The following CCDC149 variants were observed in gnomAD, a reference collection of about 807,000 sequenced individuals.
CCDC149 encodes the protein coiled-coil domain containing 149.
CCDC149 carries 45 observed loss-of-function variants against 59.9 expected under a neutral mutation model. The observed-to-expected ratio is 0.75, with a 90% CI of 0.59 to 0.96. CCDC149 has a LOEUF of 0.96. CCDC149 is among the 40% of genes least tolerant of loss of function. The probability of loss-of-function intolerance (pLI) is 0.00; values close to 1 mark genes in which losing one functional copy is unlikely to be tolerated. For synonymous variants in CCDC149, 245 were observed against 260.6 expected (o/e 0.94, Z 0.58); for missense variants, 584 against 664.7 (o/e 0.88, Z 1.33).
chr4:24,910,964 T>TC (rs1258064030), intron 1 of CCDC149, among the ~76,000 whole-genome samples: 1 of 152,060 alleles, frequency 6.6e-6, no homozygotes, highest in African/African-American at 2.4e-5. Context: ...CATTTTCACC[T>TC]CCCCCATGGC....
intron 1 of CCDC149, among the ~76,000 whole-genome samples, chr4:24,946,050 G>A (rs1373994019): frequency 6.6e-6 from 1 of 152,192 alleles, no homozygotes; most frequent in Non-Finnish European, 1.5e-5. Flanking sequence ...AGAAGAATTT[G>A]GGTGATAAGT....
rs1715274540 is a variant in CCDC149 at position 24,819,967 on chromosome 4, C to A, written c.1084G>T (p.Asp362Tyr). 4 of 1,547,622 alleles carry A rather than the reference C, an allele frequency of 2.6e-6. No homozygotes were observed. In the African/African-American group the frequency reaches 5.5e-5, roughly 21 times the overall value. The change falls in exon 12 of 13, where the codon GAC becomes TAC. Residue 362 changes from aspartate (D) to tyrosine (Y), a missense_variant. Physicochemically the swap from Asp to Tyr is radical, Grantham distance 160. Transcript: ENST00000635206. ...GTGGGGTCGCTGAACAGTATGGTGT[C>A]CTTGCCCCCTGTTGCAGAAAAGAGG...
intron 1 of CCDC149, among the ~76,000 whole-genome samples, chr4:24,907,208 CATT>C (rs1721588175): frequency 6.6e-6 from 1 of 152,194 alleles, no homozygotes; most frequent in African/African-American, 2.4e-5. Flanking sequence ...CACTCATAAG[CATT>C]ATTATTTCAT....
At chr4:24,940,539 A>C (rs1156342106) in intron 1 of CCDC149, among the ~76,000 whole-genome samples, 3 of 152,216 alleles carry the variant, frequency 2.0e-5, no homozygotes, top group Non-Finnish European at 4.4e-5. Context: ...AAATTCACAC[A>C]TAACAATATT....
chr4:24,855,294 G>A lies in CCDC149; in HGVS notation c.265-2115C>T, dbSNP rs189460829. Among the ~76,000 whole-genome samples the A allele has an allele frequency of 1.5e-4, 23 of 152,284 alleles. No individual in the cohort carries two copies. The East Asian group carries it at 2.9e-3, about 19-fold the overall frequency. ...AATCATTCATCCCTGGCTAGCTGCC[G>A]TGGCTCACACCTGTAATCCCAGCCC... On this transcript the variant is annotated intron_variant, in intron 3 of 12. Coordinates refer to ENST00000635206, the MANE Select transcript of CCDC149 (RefSeq NM_001330643.2).
At chr4:24,950,815 G>T (rs1212945948) in intron 1 of CCDC149, among the ~76,000 whole-genome samples, 1 of 152,146 alleles carries the variant, frequency 6.6e-6, no homozygotes, top group Non-Finnish European at 1.5e-5. Flanking sequence ...CCCAATTCAG[G>T]GGTCTGGGGC....
Position 24,976,586 on chromosome 4 carries a change from G to A in CCDC149, c.-65+3483C>T, listed in dbSNP as rs542808509. ...AAATTAGCTGGGCATGGTGGTGCAT[G>A]CCTGTAGTCCCAGCTACTCAGGAGG... is the stretch of plus-strand genomic sequence containing the variant. On this transcript the variant is annotated intron_variant, in intron 1 of 12. Transcript: ENST00000389609. Among the ~76,000 whole-genome samples, 5 of 152,236 alleles carry A rather than the reference G, an allele frequency of 3.3e-5. No homozygotes were observed. In the East Asian group the frequency reaches 9.7e-4, roughly 29 times the overall value.
At chr4:24,976,137 G>A (rs550855343) in intron 1 of CCDC149, among the ~76,000 whole-genome samples, 1 of 152,114 alleles carries the variant, frequency 6.6e-6, no homozygotes, top group African/African-American at 2.4e-5. Flanking sequence ...TCAGTTATTT[G>A]AGCCAATAAT....
At chr4:24,941,452 C>A (rs1167658568) in intron 1 of CCDC149, among the ~76,000 whole-genome samples, 2 of 152,088 alleles carry the variant, frequency 1.3e-5, no homozygotes, top group African/African-American at 4.8e-5. Context: ...CAGGAAAGAT[C>A]TAAAATTGAC....
intron 4 of CCDC149, among the ~76,000 whole-genome samples, chr4:24,851,293 C>T (rs1717637867): frequency 6.6e-6 from 1 of 152,194 alleles, no homozygotes; most frequent in Admixed American, 6.5e-5. Context: ...GATGGGGTCT[C>T]ATTCTGTCAT....
intron 1 of CCDC149, among the ~76,000 whole-genome samples, chr4:24,958,296 G>A (rs1723527557): frequency 6.6e-6 from 1 of 152,200 alleles, no homozygotes; most frequent in South Asian, 2.1e-4. Context: ...TTTGGAAACG[G>A]CAGTGCTTTA....
Position 24,871,048 on chromosome 4 carries a change from A to G in CCDC149, c.264+2633T>C, listed in dbSNP as rs1266234363. 2.0e-5 allele frequency among the ~76,000 whole-genome samples: 3 copies of G among 152,004 alleles called. No homozygotes were observed. In the East Asian group the frequency reaches 5.8e-4, roughly 29 times the overall value. ...GGACAGAGTGAGACTCCCTCAAAAA[A>G]AAAAAAAAAAAAGATAAATTTCTAC... On this transcript the variant is annotated intron_variant, in intron 3 of 12. Transcript: ENST00000635206.
At chr4:24,893,305 C>A (rs1282138641) in intron 1 of CCDC149, among the ~76,000 whole-genome samples, 1 of 152,136 alleles carries the variant, frequency 6.6e-6, no homozygotes, top group Non-Finnish European at 1.5e-5. Flanking sequence ...AAAATGCCTA[C>A]CTCCAAATGT....
At chr4:24,894,686 A>G (rs1314068134) in intron 1 of CCDC149, among the ~76,000 whole-genome samples, 1 of 151,800 alleles carries the variant, frequency 6.6e-6, no homozygotes, top group African/African-American at 2.4e-5. Context: ...GAGCAAAAGT[A>G]TGTTCGAAAG....
At position 24,835,007 on chromosome 4, in the gene CCDC149, G is replaced by C. The variant is rs200140047; in HGVS notation, c.761C>G (p.Ser254Trp). ...GCTGCTGGATTTACCCTGGCCCTTC[G>C]AGTTTTTCCGTCTCTCCAGAGCATT... Residue 254 changes from serine (S) to tryptophan (W), a missense_variant, in exon 8 of 13, where the codon TCG (serine) becomes TGG (tryptophan). Ser to Trp is a radical substitution (Grantham distance 177). Coordinates refer to ENST00000635206, the MANE Select transcript of CCDC149 (RefSeq NM_001330643.2). 1.9e-6 allele frequency: 3 copies of C among 1,613,826 alleles called. No homozygotes were observed. The highest frequency in any genetic ancestry group is 1.7e-6 in the Non-Finnish European group (2 of 1,179,840).
At chr4:24,972,296 T>TCTTTC (rs1224841530) in intron 1 of CCDC149, among the ~76,000 whole-genome samples, 2 of 148,616 alleles carry the variant, frequency 1.3e-5, no homozygotes, top group Non-Finnish European at 3.0e-5. Context: ...CTTTTTCTTT[T>TCTTTC]CTTTTCTTTT....
At chr4:24,904,394 G>A (rs182724155) in intron 1 of CCDC149, among the ~76,000 whole-genome samples, 3 of 152,290 alleles carry the variant, frequency 2.0e-5, no homozygotes, top group Admixed American at 2.0e-4. Context: ...TGGGCACACT[G>A]CCTATGGGGT....
At chr4:24,890,114 A>C (rs1720443114) in intron 1 of CCDC149, among the ~76,000 whole-genome samples, 1 of 152,184 alleles carries the variant, frequency 6.6e-6, no homozygotes, top group African/African-American at 2.4e-5. Context: ...CTTTAGAGTG[A>C]CATGATGTGG....
At chr4:24,822,466 A>T in intron 10 of CCDC149, 31 bp downstream of exon 10, 3 of 1,390,216 alleles carry the variant, frequency 2.2e-6, no homozygotes, top group Non-Finnish European at 2.9e-6. Flanking sequence ...AAAAAAAAAA[A>T]GGAAAATTGT....
Sources: gnomAD v4.1 joint callset for allele counts (sites outside exome capture counted in the v4.1 genomes callset) on GRCh38, gnomAD v4.1.1 for gene constraint, MANE v1.5 for transcripts, NCBI Gene and HGNC (gene_info 2026-07-23, HGNC 2026-07-21) for gene names.